The following TNFRSF1B variants were observed in gnomAD, a reference collection of about 807,000 sequenced individuals.
TNFRSF1B encodes the protein tumor necrosis factor receptor superfamily member 1B.
In TNFRSF1B, 19 loss-of-function variants were observed where a neutral mutation model predicts 44.6. That is an observed-to-expected ratio of 0.43 (90% CI 0.30 to 0.62). The LOEUF is 0.62. Among genes scored for constraint, TNFRSF1B ranks in the 20% least tolerant of loss-of-function variants. The probability of loss-of-function intolerance (pLI) is 0.16; values close to 1 mark genes in which losing one functional copy is unlikely to be tolerated. For missense variants in TNFRSF1B, 541 were observed against 619.9 expected (o/e 0.87, Z 1.35); for synonymous variants, 252 against 261.1 (o/e 0.97, Z 0.34).
Position 12,178,699 on chromosome 1 carries a change from G to A in TNFRSF1B, c.79-10097G>A, listed in dbSNP as rs933676145. Among the ~76,000 whole-genome samples the A allele has an allele frequency of 1.3e-5, 2 of 152,160 alleles. No individual in the cohort carries two copies. The highest frequency in any genetic ancestry group is 6.5e-5 in the Admixed American group (1 of 15,276). On this transcript the variant is annotated intron_variant, in intron 1 of 9. Coordinates refer to ENST00000376259, the MANE Select transcript of TNFRSF1B (RefSeq NM_001066.3). This position sits in a 1 kb window ranked among gnomAD's most constrained non-coding sequence, Gnocchi z 4.3. ...CAGGTCGGGGGTGGCGGGTCAGGAC[G>A]TTTGGGCAGAGGCAGCAGCAGTACG...
chr1:12,194,670 G>A (rs750001274), intron 8 of TNFRSF1B, 52 bp downstream of exon 8: 99 of 1,597,702 alleles, frequency 6.2e-5, no homozygotes, highest in Middle Eastern at 3.3e-4. Flanking sequence ...CCTTCCCGGC[G>A]TGCTGGGCTG....
At chr1:12,198,657 G>GGTGCTGGC (rs1639321273) in intron 8 of TNFRSF1B, among the ~76,000 whole-genome samples, 1 of 150,844 alleles carries the variant, frequency 6.6e-6, no homozygotes, top group Non-Finnish European at 1.5e-5. Context: ...GGGAGCTGAG[G>GGTGCTGGC]GTGCTGGCTG....
intron 1 of TNFRSF1B, among the ~76,000 whole-genome samples, chr1:12,183,105 TA>T (rs1336925076): frequency 1.3e-5 from 2 of 152,136 alleles, no homozygotes; most frequent in Non-Finnish European, 2.9e-5. Context: ...CCCTGGGAGG[TA>T]GCAGGTGCTC....
At chr1:12,170,750 T>A (rs1459833786) in intron 1 of TNFRSF1B, among the ~76,000 whole-genome samples, 1 of 150,230 alleles carries the variant, frequency 6.7e-6, no homozygotes, top group Non-Finnish European at 1.5e-5. Context: ...GCAGTCTCCA[T>A]CTGCCTCTTG....
At chr1:12,185,827 A>G (rs1638974703) in intron 1 of TNFRSF1B, among the ~76,000 whole-genome samples, 2 of 152,212 alleles carry the variant, frequency 1.3e-5, no homozygotes, top group Non-Finnish European at 2.9e-5. Context: ...CTGTGGGGCA[A>G]CAGCAAAGGG....
chr1:12,191,136 C>G (rs752379237), intron 3 of TNFRSF1B, 51 bp downstream of exon 3: 20 of 1,591,130 alleles, frequency 1.3e-5, no homozygotes, highest in Non-Finnish European at 1.5e-5. Flanking sequence ...CCTCCAACTT[C>G]CCCCGGCAAC....
In TNFRSF1B at chr1:12,171,293, C is replaced by T. The variant is rs754024209; in HGVS notation, c.78+4124C>T. Among the ~76,000 whole-genome samples, 1 of 151,804 alleles carries T rather than the reference C, an allele frequency of 6.6e-6. No individual in the cohort carries two copies. The highest frequency in any genetic ancestry group is 1.5e-5 in the Non-Finnish European group (1 of 68,012). ...CCTCCCGAAGTGCTGGGATTATAGG[C>T]GTGAGCCACCCCACCCAGCCCCATT... On this transcript the variant is annotated intron_variant, in intron 1 of 9. Transcript: ENST00000376259. The surrounding 1 kb of genome is among the most constrained non-coding windows in gnomAD (Gnocchi z 4.5).
chr1:12,174,292 G>A (rs996427031), intron 1 of TNFRSF1B, among the ~76,000 whole-genome samples: 9 of 149,762 alleles, frequency 6.0e-5, no homozygotes, highest in African/African-American at 2.0e-4. Context: ...CCGTTGCCCA[G>A]GCTGGAGTGC....
intron 1 of TNFRSF1B, among the ~76,000 whole-genome samples, chr1:12,181,772 C>T (rs2101089843): frequency 6.6e-6 from 1 of 152,326 alleles, no homozygotes; most frequent in East Asian, 1.9e-4. Flanking sequence ...CCTCTGCTCT[C>T]TCCAGAGGCC....
rs1638524210 is a variant in TNFRSF1B at position 12,171,548 on chromosome 1, A to G, written c.78+4379A>G. The stretch of plus-strand genomic sequence containing the variant: ...TATTCCTGTATAATGCTCTTGACCT[A>G]TTCTATTTATTTCACTTTTATTATG... On this transcript the variant is annotated intron_variant, in intron 1 of 9. Coordinates refer to ENST00000376259, the MANE Select transcript of TNFRSF1B (RefSeq NM_001066.3). This position sits in a 1 kb window ranked among gnomAD's most constrained non-coding sequence, Gnocchi z 4.5. Among the ~76,000 whole-genome samples the G allele has an allele frequency of 6.6e-6, 1 of 152,070 alleles. No individual in the cohort carries two copies. The highest frequency in any genetic ancestry group is 2.4e-5 in the African/African-American group (1 of 41,402).
At chr1:12,189,392 C>T (rs1032573589) in intron 2 of TNFRSF1B, among the ~76,000 whole-genome samples, 6 of 152,210 alleles carry the variant, frequency 3.9e-5, no homozygotes, top group African/African-American at 1.4e-4. Flanking sequence ...GAGATTGTGG[C>T]TTGTTTTCTG....
rs1048260506 is a variant in TNFRSF1B at position 12,180,423 on chromosome 1, A to T, written c.79-8373A>T. ...TTTCCTTCCTCTCTCGCTATTTATA[A>T]ATAAGAGAAGGCATTGAGGGCCCCC... On this transcript the variant is annotated intron_variant, in intron 1 of 9. Transcript: ENST00000376259. The surrounding 1 kb of genome is among the most constrained non-coding windows in gnomAD (Gnocchi z 4.3). Among the ~76,000 whole-genome samples, 3 of 152,136 alleles carry T rather than the reference A, an allele frequency of 2.0e-5. No individual in the cohort carries two copies. Among genetic ancestry groups the T allele is most frequent in the Non-Finnish European group, 4.4e-5 (3 of 68,020 alleles).
rs1638528799 is a variant in TNFRSF1B at position 12,171,763 on chromosome 1, C to G, written c.78+4594C>G. ...TTGGATGGCAGTAGCGCCACCCTCC[C>G]TCGTGACAAAAATATCTCCAGATAT... On this transcript the variant is annotated intron_variant, in intron 1 of 9. Transcript: ENST00000376259. The surrounding 1 kb of genome is among the most constrained non-coding windows in gnomAD (Gnocchi z 4.5). 6.6e-6 allele frequency among the ~76,000 whole-genome samples: 1 copy of G among 152,164 alleles called. No homozygotes were observed. The highest frequency in any genetic ancestry group is 1.5e-5 in the Non-Finnish European group (1 of 68,026).
intron 8 of TNFRSF1B, among the ~76,000 whole-genome samples, chr1:12,195,538 G>A (rs1477466532): frequency 6.6e-6 from 1 of 152,080 alleles, no homozygotes; most frequent in African/African-American, 2.4e-5. Context: ...CAGGTGGCCA[G>A]GTCAGCCATG....
In TNFRSF1B at chr1:12,191,084, T is replaced by C. The variant is rs142297196; in HGVS notation, c.306T>C (p.Ser102=). ...ECLSCGSRCS[S]DQVETQACTR... ...TGAGCTGTGGCTCCCGCTGTAGCTCTGGTGAGTAGGTTCAGAGAAAAAGGG... is the reference window on the plus strand; with the variant it reads ...TGAGCTGTGGCTCCCGCTGTAGCTCCGGTGAGTAGGTTCAGAGAAAAAGGG... The change falls in exon 3 of 10, where the codon TCT becomes TCC. Residue 102 remains serine, a splice_region_variant and synonymous_variant. Coordinates refer to ENST00000376259, the MANE Select transcript of TNFRSF1B (RefSeq NM_001066.3). 53 of 1,613,752 alleles carry C rather than the reference T, an allele frequency of 3.3e-5. No individual in the cohort carries two copies. In the African/African-American group the frequency reaches 4.8e-4, roughly 15 times the overall value.
Position 12,179,742 on chromosome 1 carries a change from G to C in TNFRSF1B, c.79-9054G>C, listed in dbSNP as rs1406161836. On this transcript the variant is annotated intron_variant, in intron 1 of 9. Coordinates refer to ENST00000376259, the MANE Select transcript of TNFRSF1B (RefSeq NM_001066.3). Reference sequence around the variant, plus strand: ...ACAGAGGCTGATGTTGCTGCCATCAGCTCCTGGAGTGCCGCTCACTGGCTG... The same window carrying C: ...ACAGAGGCTGATGTTGCTGCCATCACCTCCTGGAGTGCCGCTCACTGGCTG... Among the ~76,000 whole-genome samples the C allele has an allele frequency of 2.6e-5, 4 of 152,328 alleles. No individual in the cohort carries two copies. The East Asian group carries it at 7.7e-4, about 29-fold the overall frequency.
chr1:12,194,658 C>A, intron 8 of TNFRSF1B, 40 bp downstream of exon 8: 1 of 1,612,694 alleles, frequency 6.2e-7, no homozygotes. Flanking sequence ...TTCCCCTGGT[C>A]TCCTTCCCGG....
Position 12,167,135 on chromosome 1 carries a change from A to G in TNFRSF1B, c.44A>G (p.Glu15Gly). 7.4e-7 allele frequency: 1 copy of G among 1,345,752 alleles called. No individual in the cohort carries two copies. Among genetic ancestry groups the G allele is most frequent in the South Asian group, 1.7e-5 (1 of 57,430 alleles). 83.4% of individuals were successfully genotyped at this position (1,345,752 alleles called of 1,614,324 possible). The change falls in exon 1 of 10, where the codon GAG becomes GGG. Residue 15 changes from glutamate (E) to glycine (G), a missense_variant. Transcript: ENST00000376259. ...AVWAALAVGL[E>G]LWAAAHALPA... ...TGGGCCGCGCTGGCCGTCGGACTGG[A>G]GCTCTGGGCTGCGGCGCACGCCTTG...
chr1:12,196,954 T>C (rs1639280169), intron 8 of TNFRSF1B, among the ~76,000 whole-genome samples: 1 of 151,758 alleles, frequency 6.6e-6, no homozygotes, highest in African/African-American at 2.4e-5. Flanking sequence ...TTTTTTTCTT[T>C]CTTTCTTTTT....
Sources: allele counts gnomAD v4.1 joint callset (sites outside exome capture counted in the v4.1 genomes callset), GRCh38; gene constraint gnomAD v4.1.1; non-coding constraint Gnocchi (gnomAD v3.1); transcripts MANE v1.5; gene names NCBI Gene and HGNC (gene_info 2026-07-23, HGNC 2026-07-21).